The following CARF variants were observed in gnomAD, a reference collection of about 807,000 sequenced individuals.
CARF encodes calcium responsive transcription factor.
In CARF, 57 loss-of-function variants were observed where a neutral mutation model predicts 82.0. The observed-to-expected ratio is 0.70, with a 90% CI of 0.56 to 0.87. CARF has a LOEUF of 0.87. CARF is among the 40% of genes least tolerant of loss of function. The pLI is 0.00. For synonymous variants in CARF, 268 were observed against 290.1 expected (o/e 0.92, Z 0.77); for missense variants, 771 against 855.8 (o/e 0.90, Z 1.24).
In CARF at chr2:202,987,830, A is replaced by G. The variant is rs1442614413; in HGVS notation, c.*4206A>G. ...ATATCTTTATTGAGGTATAATTGAA[A>G]TACAATAAACTGTACATATTTAAAG... On this transcript the variant is annotated 3_prime_UTR_variant, in exon 17 of 17. Transcript: ENST00000438828. Among the ~76,000 whole-genome samples, 1 of 152,210 alleles carries G rather than the reference A, an allele frequency of 6.6e-6. No homozygotes were observed. The highest frequency in any genetic ancestry group is 1.9e-4 in the East Asian group (1 of 5,198).
chr2:202,917,210 CA>C (rs71034203), intron 1 of CARF, among the ~76,000 whole-genome samples: 23 of 47,004 alleles, frequency 4.9e-4, no homozygotes, highest in African/African-American at 1.4e-3. Flanking sequence ...GACTCCGTCT[CA>C]AAAAAAAAAA....
intron 3 of CARF, among the ~76,000 whole-genome samples, chr2:202,940,442 T>C (rs2058174887): frequency 1.3e-5 from 2 of 152,204 alleles, no homozygotes; most frequent in African/African-American, 4.8e-5. Flanking sequence ...GTTTCCAATA[T>C]GGGGAGTCTT....
chr2:202,942,717 GA>G (rs768844305), intron 4 of CARF, 22 bp from the exon 5 acceptor site: 13 of 1,479,610 alleles, frequency 8.8e-6, no homozygotes, highest in African/African-American at 1.4e-5. Context: ...AGACTGAAGT[GA>G]TTTTTTTTTT....
At chr2:202,967,905 A>G (rs2059620146) in intron 10 of CARF, among the ~76,000 whole-genome samples, 1 of 152,244 alleles carries the variant, frequency 6.6e-6, no homozygotes, top group African/African-American at 2.4e-5. Context: ...CTTGGTAAGA[A>G]TGAAAAATGT....
intron 1 of CARF, among the ~76,000 whole-genome samples, chr2:202,913,676 G>A (rs990920112): frequency 6.6e-6 from 1 of 152,192 alleles, no homozygotes; most frequent in African/African-American, 2.4e-5. Flanking sequence ...GGCATCTGAA[G>A]CTTGAAACAC....
intron 10 of CARF, 26 bp from the exon 11 acceptor site, chr2:202,969,893 C>T (rs757485189): frequency 7.3e-7 from 1 of 1,361,418 alleles, no homozygotes; most frequent in Non-Finnish European, 9.9e-7. Context: ...TATAATGAAA[C>T]AAATTCTTCT....
At position 202,961,232 on chromosome 2, in the gene CARF, T is replaced by C; in HGVS notation, c.643-5T>C. On this transcript the variant is annotated splice_polypyrimidine_tract_variant and splice_region_variant and intron_variant, in intron 8 of 16. Transcript: ENST00000438828. ...GTAATTTTGTTTAATTTCTACCACA[T>C]GCAGAAAATTGGAGATTCATACCGT... 1 of 1,598,264 alleles carries C rather than the reference T, an allele frequency of 6.3e-7. No individual in the cohort carries two copies. The highest frequency in any genetic ancestry group is 8.5e-7 in the Non-Finnish European group (1 of 1,170,774).
rs186613214 is a variant in CARF at position 202,934,066 on chromosome 2, A to C, written c.-43-7794A>C. Among the ~76,000 whole-genome samples, 445 of 152,268 alleles carry C rather than the reference A, an allele frequency of 2.9e-3. 3 individuals are homozygous for C. Among genetic ancestry groups the C allele is most frequent in the Non-Finnish European group, 4.7e-3 (323 of 68,024 alleles). On this transcript the variant is annotated intron_variant, in intron 3 of 16. Transcript: ENST00000438828. Reference sequence around the variant, plus strand: ...GATGAGTTAAAAAAAATATCAAAAAAAAAATCTCATAATGTTTTAAGAAAG... The same window carrying C: ...GATGAGTTAAAAAAAATATCAAAAACAAAATCTCATAATGTTTTAAGAAAG...
intron 1 of CARF, among the ~76,000 whole-genome samples, chr2:202,914,686 G>A (rs1336453102): frequency 1.3e-5 from 2 of 151,060 alleles, no homozygotes; most frequent in Non-Finnish European, 2.9e-5. Context: ...GGCTGAGGCA[G>A]GAGAATTGCT....
intron 12 of CARF, among the ~76,000 whole-genome samples, chr2:202,972,036 AT>A (rs1349938648): frequency 6.6e-6 from 1 of 152,118 alleles, no homozygotes; most frequent in African/African-American, 2.4e-5. Flanking sequence ...TAGTTAATAA[AT>A]ACTTTTAGAG....
rs576357672 is a variant in CARF, at chr2:202,945,719, G to A, written c.306+2752G>A. ...TCTTTATCTAATCTGTCAATGATGG[G>A]CATTTAGGTTGATCCATTTATTTGC... On this transcript the variant is annotated intron_variant, in intron 5 of 16. Transcript: ENST00000438828. Among the ~76,000 whole-genome samples, 71 of 152,274 alleles carry A rather than the reference G, an allele frequency of 4.7e-4. 2 individuals carry two copies. The South Asian group carries it at 0.013, about 29-fold the overall frequency.
intron 2 of CARF, among the ~76,000 whole-genome samples, chr2:202,919,870 A>G (rs184998858): frequency 2.6e-4 from 40 of 152,292 alleles, no homozygotes; most frequent in African/African-American, 8.9e-4. Context: ...TGCCTATCCT[A>G]TATGTAAATT....
At chr2:202,941,087 A>G (rs911245973) in intron 3 of CARF, among the ~76,000 whole-genome samples, 1 of 152,108 alleles carries the variant, frequency 6.6e-6, no homozygotes, top group African/African-American at 2.4e-5. Context: ...CCATCCAGAA[A>G]GTTATAAAAT....
rs934998168 is a variant in CARF, at chr2:202,974,666, A to G, written c.1494+170A>G. On this transcript the variant is annotated intron_variant, in intron 13 of 16. Coordinates refer to ENST00000438828, the MANE Select transcript of CARF (RefSeq NM_024744.17). Reference sequence around the variant, plus strand: ...GTAATCCCAACACTTTGGGAGGCCGAGACGGGTGGATCACCTGCGGTCAGA... The same window carrying G: ...GTAATCCCAACACTTTGGGAGGCCGGGACGGGTGGATCACCTGCGGTCAGA... Among the ~76,000 whole-genome samples the G allele has an allele frequency of 2.0e-5, 3 of 152,200 alleles. No individual in the cohort carries two copies. In the East Asian group the frequency reaches 5.8e-4, roughly 29 times the overall value.
intron 10 of CARF, among the ~76,000 whole-genome samples, chr2:202,968,973 G>A (rs2059664427): frequency 6.6e-6 from 1 of 152,132 alleles, no homozygotes; most frequent in African/African-American, 2.4e-5. Flanking sequence ...GGATGATATT[G>A]TAGGTTAGGA....
intron 3 of CARF, among the ~76,000 whole-genome samples, chr2:202,940,441 A>G (rs1270983092): frequency 6.6e-6 from 1 of 152,118 alleles, no homozygotes; most frequent in African/African-American, 2.4e-5. Context: ...TGTTTCCAAT[A>G]TGGGGAGTCT....
chr2:202,982,798 A>G (rs1184711698), intron 16 of CARF, among the ~76,000 whole-genome samples: 1 of 152,210 alleles, frequency 6.6e-6, no homozygotes, highest in Non-Finnish European at 1.5e-5. Context: ...TGCAAAGGTT[A>G]TTATGGAAGA....
chr2:202,976,811 A>G (rs1488641055), intron 13 of CARF, among the ~76,000 whole-genome samples: 1 of 151,492 alleles, frequency 6.6e-6, no homozygotes, highest in African/African-American at 2.4e-5. Context: ...CCAAGACTCA[A>G]GCAGTCCTCC....
In CARF at chr2:202,984,096, TGCCAGACAG is replaced by T. The variant is rs1281615647; in HGVS notation, c.*474_*482del. 1.3e-5 allele frequency: 2 copies of T among 152,564 alleles called. No individual in the cohort carries two copies. The highest frequency in any genetic ancestry group is 1.5e-5 in the Non-Finnish European group (1 of 68,310). 9.5% of individuals were successfully genotyped at this position (152,564 alleles called of 1,614,324 possible). On this transcript the variant is annotated 3_prime_UTR_variant, in exon 17 of 17. Coordinates refer to ENST00000438828, the MANE Select transcript of CARF (RefSeq NM_024744.17). ...TTAAAGTTGTGAAGAAATTGTTAAT[TGCCAGACAG>T]GTAAGAAAATGTTTATAATCTATCT...
Sources: allele counts gnomAD v4.1 joint callset (sites outside exome capture counted in the v4.1 genomes callset), GRCh38; gene constraint gnomAD v4.1.1; transcripts MANE v1.5; gene names NCBI Gene and HGNC (gene_info 2026-07-23, HGNC 2026-07-21).